Variants in ENPP7 observed in about 807,000 individuals in gnomAD.
The protein encoded by ENPP7 is ectonucleotide pyrophosphatase/phosphodiesterase 7.
Under a neutral mutation model 33.6 loss-of-function variants are expected in ENPP7, and 39 were observed. That is an observed-to-expected ratio of 1.16 (90% CI 0.90 to 1.52). The LOEUF (loss-of-function observed/expected upper bound fraction) is 1.52, where lower values mean the gene tolerates loss of function less well. Ranked by LOEUF, ENPP7 falls within the 40% of genes most tolerant of loss-of-function variation. ENPP7 has a pLI of 0.00. For missense variants in ENPP7, 594 were observed against 641.0 expected, an observed-to-expected ratio of 0.93 and a Z score of 0.79; for synonymous variants, 244 against 274.3, an observed-to-expected ratio of 0.89 and a Z score of 1.09.
intron 1 of ENPP7, 111 bp from the exon 2 acceptor site, chr17:79,733,397 A>C: frequency 2.7e-6 from 3 of 1,128,368 alleles, no homozygotes; most frequent in Admixed American, 1.9e-5. Flanking sequence ...CTCCCCACCC[A>C]GCACACAGGG....
At position 79,738,019 on chromosome 17, in the gene ENPP7, C is replaced by T. The variant is rs145085439; in HGVS notation, c.1350C>T (p.Thr450=). The T allele has an allele frequency of 8.7e-6, 14 of 1,612,724 alleles. No homozygotes were observed. The Admixed American group carries it at 1.2e-4, about 13-fold the overall frequency. ...TCCTCGTGATGGGACTGCTGGGGAC[C>T]GTGATTCTTCTGTCTGAGGTCGCAT... is the stretch of plus-strand genomic sequence containing the variant. ...RPLLVMGLLG[T]VILLSEVA The change falls in exon 5 of 6, where the codon ACC becomes ACT. Residue 450 remains threonine, a synonymous_variant. Coordinates refer to ENST00000328313, the MANE Select transcript of ENPP7 (RefSeq NM_178543.5). This position sits in a 1 kb window ranked among gnomAD's most constrained non-coding sequence, Gnocchi z 6.2.
intron 2 of ENPP7, 128 bp from the exon 3 acceptor site, chr17:79,734,915 G>A: frequency 3.2e-6 from 3 of 936,948 alleles, no homozygotes; most frequent in Non-Finnish European, 4.7e-6. Context: ...CCCCGCAGCT[G>A]CAGCTAGGAG....
In ENPP7 at chr17:79,737,866, G is replaced by A; in HGVS notation, c.1247-50G>A. ...CCCCGAGTTTACTGTGGAGAGGCTG[G>A]GGTGAGGAGCCATCCCTCTCTCCCT... On this transcript the variant is annotated intron_variant, in intron 4 of 5. Coordinates refer to ENST00000328313, the MANE Select transcript of ENPP7 (RefSeq NM_178543.5). The surrounding 1 kb of genome is among the most constrained non-coding windows in gnomAD (Gnocchi z 5.5). 2 of 1,601,218 alleles carry A rather than the reference G, an allele frequency of 1.2e-6. No individual in the cohort carries two copies. Among genetic ancestry groups the A allele is most frequent in the Non-Finnish European group, 1.7e-6 (2 of 1,171,108 alleles).
rs1166560154 is a variant in ENPP7 at position 79,731,043 on chromosome 17, C to T, written c.-97C>T. 36 of 1,357,962 alleles carry T rather than the reference C, an allele frequency of 2.7e-5. No individual in the cohort carries two copies. The African/African-American group carries it at 3.3e-4, about 13-fold the overall frequency. The allele number at this position is 1,357,962 out of a possible 1,614,324, so 84.1% of individuals were successfully genotyped here. The stretch of plus-strand genomic sequence containing the variant: ...TGCACAGCCACATTCCAAAGGCGCA[C>T]GGGATGAGATCAGCCCGGGTGACCC... On this transcript the variant is annotated 5_prime_UTR_variant, in exon 1 of 6. In the 5' UTR this introduces an upstream ATG that the reference lacks. Transcript: ENST00000328313.
At position 79,735,075 on chromosome 17, in the gene ENPP7, C is replaced by A. The variant is rs1167142924; in HGVS notation, c.432C>A (p.Gly144=). The A allele has an allele frequency of 3.7e-6, 6 of 1,612,824 alleles. No individual in the cohort carries two copies. Among genetic ancestry groups the A allele is most frequent in the Non-Finnish European group, 4.2e-6 (5 of 1,180,016 alleles). ...GLRAGSFFYP[G]GNVTYQGVAV... is the part of the protein sequence containing the mutation. Reference sequence around the variant, plus strand: ...GGGCTGGCTCCTTCTTCTACCCGGGCGGGAACGTCACCTACCAAGGGGTGG... The same window carrying A: ...GGGCTGGCTCCTTCTTCTACCCGGGAGGGAACGTCACCTACCAAGGGGTGG... Residue 144 remains glycine (G), a synonymous_variant, in exon 3 of 6, where the codon GGC becomes GGA. Coordinates refer to ENST00000328313, the MANE Select transcript of ENPP7 (RefSeq NM_178543.5). The surrounding 1 kb of genome is among the most constrained non-coding windows in gnomAD (Gnocchi z 5.5).
intron 2 of ENPP7, 36 bp downstream of exon 2, chr17:79,733,689 C>G: frequency 6.4e-7 from 1 of 1,564,394 alleles, no homozygotes; most frequent in African/African-American, 1.4e-5. Context: ...CATCGCAGAG[C>G]ACGGGGGCAC....
At chr17:79,736,534 G>A (rs1598201957) in intron 3 of ENPP7, among the ~76,000 whole-genome samples, 1 of 110,902 alleles carries the variant, frequency 9.0e-6, no homozygotes, top group Non-Finnish European at 1.7e-5. Context: ...CTGTGTGATA[G>A]GCGTGTGTGT....
At position 79,738,747 on chromosome 17, in the gene ENPP7, G is replaced by A. The variant is rs1429700057; in HGVS notation, c.*16+685G>A. 6.6e-6 allele frequency: 1 copy of A among 152,038 alleles called. No individual in the cohort carries two copies. The highest frequency in any genetic ancestry group is 2.4e-5 in the African/African-American group (1 of 41,376). 9.4% of individuals were successfully genotyped at this position (152,038 alleles called of 1,614,324 possible). A position where few individuals can be genotyped will look rare whatever the true frequency, so the allele number is the denominator to read the frequency against. ...GGGTGCGTTTGGGAGGAGAGCTCCG[G>A]GGCTGTGTTCCTGGAACTCCCCGGG... On this transcript the variant is annotated intron_variant, in intron 5 of 5. Transcript: ENST00000328313. The surrounding 1 kb of genome is among the most constrained non-coding windows in gnomAD (Gnocchi z 6.2).
At chr17:79,740,992 CT>C (rs564337082) in intron 5 of ENPP7, among the ~76,000 whole-genome samples, 2 of 151,732 alleles carry the variant, frequency 1.3e-5, no homozygotes, top group African/African-American at 4.8e-5. Context: ...CTTTTCTTTT[CT>C]TTTCTTTTTT....
chr17:79,741,686 C>A, intron 5 of ENPP7, 108 bp from the exon 6 acceptor site: 1 of 353,312 alleles, frequency 2.8e-6, no homozygotes, highest in Non-Finnish European at 4.0e-6. Flanking sequence ...TCCCACGACC[C>A]CTCCCTCCCA....
In ENPP7 at chr17:79,738,470, C is replaced by T; in HGVS notation, c.*16+408C>T. ...GCTCTGGGGCTGTGTTCCTGGAACT[C>T]TCCAGGAGCCTCCTAGGACACGCAT... On this transcript the variant is annotated intron_variant, in intron 5 of 5. Coordinates refer to ENST00000328313, the MANE Select transcript of ENPP7 (RefSeq NM_178543.5). The surrounding 1 kb of genome is among the most constrained non-coding windows in gnomAD (Gnocchi z 6.2). 5.2e-6 allele frequency: 1 copy of T among 192,750 alleles called. No individual in the cohort carries two copies. Among genetic ancestry groups the T allele is most frequent in the South Asian group, 1.1e-4 (1 of 9,048 alleles). 11.9% of individuals were successfully genotyped at this position (192,750 alleles called of 1,614,324 possible). A position where few individuals can be genotyped will look rare whatever the true frequency, so the allele number is the denominator to read the frequency against.
chr17:79,737,926 T>C lies in ENPP7; in HGVS notation c.1257T>C (p.Leu419=). ...TCTGGCTTTCCTTAGAATCTGCTCT[T>C]CCGCCTGATGGAAGGCCTACTCTCC... ...LLPMLHTESA[L]PPDGRPTLLP... Residue 419 remains leucine (L), a synonymous_variant, in exon 5 of 6, where the codon CTT becomes CTC. Transcript: ENST00000328313. The surrounding 1 kb of genome is among the most constrained non-coding windows in gnomAD (Gnocchi z 5.5). 6.2e-7 allele frequency: 1 copy of C among 1,613,808 alleles called. No homozygotes were observed. Among genetic ancestry groups the C allele is most frequent in the Non-Finnish European group, 8.5e-7 (1 of 1,179,992 alleles).
chr17:79,738,957 A>C lies in ENPP7; in HGVS notation c.*16+895A>C, dbSNP rs2094300897. 1 of 152,332 alleles carries C rather than the reference A, an allele frequency of 6.6e-6. No individual in the cohort carries two copies. The highest frequency in any genetic ancestry group is 1.5e-5 in the Non-Finnish European group (1 of 68,094). 9.4% of individuals were successfully genotyped at this position (152,332 alleles called of 1,614,324 possible). A position where few individuals can be genotyped will look rare whatever the true frequency, so the allele number is the denominator to read the frequency against. On this transcript the variant is annotated intron_variant, in intron 5 of 5. Coordinates refer to ENST00000328313, the MANE Select transcript of ENPP7 (RefSeq NM_178543.5). The surrounding 1 kb of genome is among the most constrained non-coding windows in gnomAD (Gnocchi z 6.2). ...GGACCTGTCATTTAAAGGTGCAAGAAAGCAGAGAACACAAAAGCAAATGAA... is the reference window on the plus strand; with the variant it reads ...GGACCTGTCATTTAAAGGTGCAAGACAGCAGAGAACACAAAAGCAAATGAA...
rs952590235 is a variant in ENPP7 at position 79,739,961 on chromosome 17, G to A, written c.*17-1833G>A. Among the ~76,000 whole-genome samples, 1 of 152,194 alleles carries A rather than the reference G, an allele frequency of 6.6e-6. No homozygotes were observed. Among genetic ancestry groups the A allele is most frequent in the Admixed American group, 6.5e-5 (1 of 15,278 alleles). On this transcript the variant is annotated intron_variant, in intron 5 of 5. Transcript: ENST00000328313. The surrounding 1 kb of genome is among the most constrained non-coding windows in gnomAD (Gnocchi z 4.4). ...AACCCCAGTACTTCCAGAGGCCGAC[G>A]CAGGAGGATCGCTTGAGCCCAGGAG...
intron 1 of ENPP7, among the ~76,000 whole-genome samples, chr17:79,732,131 T>TACAC (rs1568485076): frequency 5.0e-5 from 1 of 20,118 alleles, no homozygotes; most frequent in South Asian, 1.6e-3. Flanking sequence ...CATATATATA[T>TACAC]GTATATATAT....
chr17:79,733,952 A>ATT (rs1347551864), intron 2 of ENPP7, among the ~76,000 whole-genome samples: 10 of 152,158 alleles, frequency 6.6e-5, no homozygotes, highest in African/African-American at 2.2e-4. Flanking sequence ...AGTCGGAGGG[A>ATT]GAACTGCACC....
Position 79,737,972 on chromosome 17 carries a change from C to G in ENPP7, c.1303C>G (p.Leu435Val). The G allele has an allele frequency of 3.1e-6, 5 of 1,613,884 alleles. No individual in the cohort carries two copies. Among genetic ancestry groups the G allele is most frequent in the South Asian group, 2.2e-5 (2 of 91,088 alleles). ...TCTCCTGCCCAAGGGAAGATCTGCT[C>G]TCCCGCCCAGCAGCAGGCCCCTCCT... ...PTLLPKGRSA[L>V]PPSSRPLLVM... The change falls in exon 5 of 6, where the codon CTC (leucine) becomes GTC (valine). Residue 435 changes from leucine (L) to valine (V), a missense_variant. Leu to Val is a conservative substitution (Grantham distance 32). Transcript: ENST00000328313. The surrounding 1 kb of genome is among the most constrained non-coding windows in gnomAD (Gnocchi z 5.5).
rs782253592 is a variant in ENPP7, at chr17:79,737,960, G to A, written c.1291G>A (p.Gly431Arg). Residue 431 changes from glycine to arginine, a missense_variant, in exon 5 of 6, where the codon GGA becomes AGA. Gly to Arg is a moderately radical substitution (Grantham distance 125). Transcript: ENST00000328313. This position sits in a 1 kb window ranked among gnomAD's most constrained non-coding sequence, Gnocchi z 5.5. ...TGGAAGGCCTACTCTCCTGCCCAAG[G>A]GAAGATCTGCTCTCCCGCCCAGCAG... ...PDGRPTLLPK[G>R]RSALPPSSRP... The A allele has an allele frequency of 3.7e-6, 6 of 1,613,830 alleles. No homozygotes were observed. The highest frequency in any genetic ancestry group is 4.5e-5 in the East Asian group (2 of 44,882).
chr17:79,735,708 CT>C lies in ENPP7; in HGVS notation c.1026+40del. 1 of 1,550,646 alleles carries C rather than the reference CT, an allele frequency of 6.4e-7. No homozygotes were observed. The highest frequency in any genetic ancestry group is 8.7e-7 in the Non-Finnish European group (1 of 1,150,416). ...TGGAGGCACCACCTCCAGGGGCTCC[CT>C]CCCCAGGCTCTGGGTCTTCTTTTTT... On this transcript the variant is annotated intron_variant, in intron 3 of 5. Coordinates refer to ENST00000328313, the MANE Select transcript of ENPP7 (RefSeq NM_178543.5). The surrounding 1 kb of genome is among the most constrained non-coding windows in gnomAD (Gnocchi z 5.5).
Sources: allele counts gnomAD v4.1 joint callset (sites outside exome capture counted in the v4.1 genomes callset), GRCh38; gene constraint gnomAD v4.1.1; non-coding constraint Gnocchi (gnomAD v3.1); transcripts MANE v1.5; gene names NCBI Gene and HGNC (gene_info 2026-07-23, HGNC 2026-07-21).